Variants in C1orf159 observed in about 807,000 individuals in gnomAD.
The protein encoded by C1orf159 is uncharacterized protein C1orf159.
C1orf159 carries 19 observed loss-of-function variants against 25.6 expected under a neutral mutation model. The ratio of observed to expected loss-of-function variants is 0.74; its 90% confidence interval spans 0.52 to 1.09. The LOEUF (loss-of-function observed/expected upper bound fraction) is 1.09, where lower values mean the gene tolerates loss of function less well. Ranked by LOEUF, C1orf159 falls within the 50% of genes least tolerant of loss-of-function variation. The pLI is 0.00. For missense variants in C1orf159, 274 were observed against 290.6 expected, an observed-to-expected ratio of 0.94 and a Z score of 0.42; for synonymous variants, 139 against 124.7, an observed-to-expected ratio of 1.12 and a Z score of -0.77.
At chr1:1,091,949 C>T (rs901627206) in intron 2 of C1orf159, 42 bp downstream of exon 2, 5 of 455,490 alleles carry the variant, frequency 1.1e-5, no homozygotes, top group African/African-American at 1.0e-4. Context: ...GGCTTGGGGC[C>T]TTTGGAGGCA....
chr1:1,098,798 G>C (rs1646046722), intron 1 of C1orf159, among the ~76,000 whole-genome samples: 1 of 152,188 alleles, frequency 6.6e-6, no homozygotes, highest in African/African-American at 2.4e-5. Flanking sequence ...TTTTAGTATA[G>C]ATGGGGTTTC....
chr1:1,084,831 C>T (rs1314352285), intron 7 of C1orf159, among the ~76,000 whole-genome samples: 1 of 152,172 alleles, frequency 6.6e-6, no homozygotes, highest in East Asian at 1.9e-4. Flanking sequence ...AAGCGTCTCC[C>T]CAGGCTCCAG....
rs113216977 is a variant in C1orf159, at chr1:1,092,230, C to T, written c.-135-127G>A. 7.1e-4 allele frequency: 193 copies of T among 273,708 alleles called. 2 individuals are homozygous for T. The highest frequency in any genetic ancestry group is 4.2e-3 in the African/African-American group (182 of 43,764). 17.0% of individuals were successfully genotyped at this position (273,708 alleles called of 1,614,324 possible). A position where few individuals can be genotyped will look rare whatever the true frequency, so the allele number is the denominator to read the frequency against. On this transcript the variant is annotated intron_variant, in intron 1 of 9. Transcript: ENST00000421241. ...CACACCCTTGCCGGCCCCTGGCTGT[C>T]GAGCAGGGCGTCCTGGAGGGGCTGT...
rs750766070 is a variant in C1orf159, at chr1:1,083,003, G to A, written c.503-16C>T. 2.5e-6 allele frequency: 4 copies of A among 1,574,544 alleles called. No individual in the cohort carries two copies. Among genetic ancestry groups the A allele is most frequent in the Non-Finnish European group, 2.6e-6 (3 of 1,158,440 alleles). ...GGCTTCCGTACTGAAACGGGTCAGA[G>A]ACAGGCGAGGTCAGAGTGGGACCTG... On this transcript the variant is annotated splice_polypyrimidine_tract_variant and intron_variant, in intron 9 of 9. Transcript: ENST00000421241.
chr1:1,097,386 T>G (rs1021231172), intron 1 of C1orf159, among the ~76,000 whole-genome samples: 3 of 152,104 alleles, frequency 2.0e-5, no homozygotes, highest in Non-Finnish European at 4.4e-5. Context: ...ATTACAAGTG[T>G]GAGCCACCGT....
At chr1:1,114,311 C>T (rs1267726233) in intron 1 of C1orf159, among the ~76,000 whole-genome samples, 2 of 152,156 alleles carry the variant, frequency 1.3e-5, no homozygotes, top group Non-Finnish European at 1.5e-5. Context: ...CCTACTGTAA[C>T]GGGCCACAGG....
rs1486859014 is a variant in C1orf159 at position 1,096,357 on chromosome 1, A to AGGGTCTCACTATATTGTCCAGGC, written c.-135-4277_-135-4255dup. Among the ~76,000 whole-genome samples, 309 of 151,828 alleles carry AGGGTCTCACTATATTGTCCAGGC rather than the reference A, an allele frequency of 2.0e-3. 3 individuals are homozygous for AGGGTCTCACTATATTGTCCAGGC. Among genetic ancestry groups the AGGGTCTCACTATATTGTCCAGGC allele is most frequent in the African/African-American group, 7.2e-3 (297 of 41,376 alleles). On this transcript the variant is annotated intron_variant, in intron 1 of 9. Transcript: ENST00000421241. ...TACAGGTATAATTTTTTTTGTACAC[A>AGGGTCTCACTATATTGTCCAGGC]GGGTCTCACTATATTGTCCAGGCTG...
chr1:1,115,848 CG>C (rs1646332556), intron 1 of C1orf159, among the ~76,000 whole-genome samples: 1 of 149,022 alleles, frequency 6.7e-6, no homozygotes, highest in Non-Finnish European at 1.5e-5. Flanking sequence ...CGGCCAGGCT[CG>C]TTGGGAGGCG....
In C1orf159 at chr1:1,082,683, G is replaced by A. The variant is rs138543362; in HGVS notation, c.*210C>T. On this transcript the variant is annotated 3_prime_UTR_variant, in exon 10 of 10. Coordinates refer to ENST00000421241, the MANE Select transcript of C1orf159 (RefSeq NM_017891.5). ...TCTCATGGATGCCTGCTCCTGGTCC[G>A]ATAAACGAGATGGCTGTGGTGGGGA... 2.0e-3 allele frequency: 1,184 copies of A among 585,760 alleles called. 13 individuals are homozygous for A. Among genetic ancestry groups the A allele is most frequent in the African/African-American group, 0.02 (1,066 of 53,328 alleles). The allele number at this position is 585,760 out of a possible 1,614,324, so 36.3% of individuals were successfully genotyped here. A position where few individuals can be genotyped will look rare whatever the true frequency, so the allele number is the denominator to read the frequency against.
In C1orf159 at chr1:1,091,575, G is replaced by A; in HGVS notation, c.-22-10C>T. On this transcript the variant is annotated splice_polypyrimidine_tract_variant and intron_variant, in intron 2 of 9. Transcript: ENST00000421241. ...AGCAGATGCGCAGAGCCTGCCACAG[G>A]GAGGAGCATGCGGAGCCAAAGAGAT... 1 of 1,542,804 alleles carries A rather than the reference G, an allele frequency of 6.5e-7. No individual in the cohort carries two copies. Among genetic ancestry groups the A allele is most frequent in the Non-Finnish European group, 8.8e-7 (1 of 1,142,124 alleles).
At position 1,089,101 on chromosome 1, in the gene C1orf159, T is replaced by C. The variant is rs372601773; in HGVS notation, c.148+1252A>G. On this transcript the variant is annotated intron_variant, in intron 4 of 9. Coordinates refer to ENST00000421241, the MANE Select transcript of C1orf159 (RefSeq NM_017891.5). The surrounding 1 kb of genome is among the most constrained non-coding windows in gnomAD (Gnocchi z 7.5). Reference sequence around the variant, plus strand: ...CCCGCTGCCTCCCCGAGCGGAGACGTGACCTGGCTTGGGGCCGCACGCAGG... The same window carrying C: ...CCCGCTGCCTCCCCGAGCGGAGACGCGACCTGGCTTGGGGCCGCACGCAGG... Among the ~76,000 whole-genome samples the C allele has an allele frequency of 6.6e-6, 1 of 152,186 alleles. No homozygotes were observed. The highest frequency in any genetic ancestry group is 1.5e-5 in the Non-Finnish European group (1 of 68,010).
intron 4 of C1orf159, among the ~76,000 whole-genome samples, chr1:1,088,388 C>T (rs1207407847): frequency 1.5e-5 from 2 of 131,968 alleles, no homozygotes; most frequent in East Asian, 2.3e-4. Flanking sequence ...GGCTGCCTCG[C>T]ACCCCGTGTT....
Position 1,087,296 on chromosome 1 carries a change from G to A in C1orf159, c.245-92C>T. On this transcript the variant is annotated intron_variant, in intron 5 of 9. Transcript: ENST00000421241. The surrounding 1 kb of genome is among the most constrained non-coding windows in gnomAD (Gnocchi z 8.3). Reference sequence around the variant, plus strand: ...TGAAGGGATCTCAGGACGGAAATATGAAAGCGAGGGGCTGAGGGGGCGGAG... The same window carrying A: ...TGAAGGGATCTCAGGACGGAAATATAAAAGCGAGGGGCTGAGGGGGCGGAG... 7.5e-7 allele frequency: 1 copy of A among 1,340,884 alleles called. No homozygotes were observed. The highest frequency in any genetic ancestry group is 1.0e-6 in the Non-Finnish European group (1 of 992,466). 83.1% of individuals were successfully genotyped at this position (1,340,884 alleles called of 1,614,324 possible). A position where few individuals can be genotyped will look rare whatever the true frequency, so the allele number is the denominator to read the frequency against.
chr1:1,082,939 G>A lies in C1orf159; in HGVS notation c.551C>T (p.Thr184Met), dbSNP rs1456443440. ...CTCCCCCGGGAAGGCAGCGGGATCC[G>A]TGGCCCTGTCCAGGGGCCGCTCCCG... ...VRRERPLDRA[T>M]DPAAFPGEAR... The change falls in exon 10 of 10, where the codon ACG becomes ATG. Residue 184 changes from threonine (T) to methionine (M), a missense_variant. Transcript: ENST00000421241. 8 of 1,604,154 alleles carry A rather than the reference G, an allele frequency of 5.0e-6. No homozygotes were observed. Among genetic ancestry groups the A allele is most frequent in the South Asian group, 1.1e-5 (1 of 89,366 alleles).
At chr1:1,090,462 C>T (rs372044064) in intron 3 of C1orf159, 34 bp from the exon 4 acceptor site, 315 of 1,547,780 alleles carry the variant, frequency 2.0e-4, no homozygotes, top group East Asian at 2.4e-4. Flanking sequence ...CTCCAGGACG[C>T]GCCTGCCAGG....
In C1orf159 at chr1:1,108,518, G is replaced by A. The variant is rs372427103; in HGVS notation, c.-136+7542C>T. Among the ~76,000 whole-genome samples the A allele has an allele frequency of 2.3e-4, 25 of 109,174 alleles. No individual in the cohort carries two copies. In the South Asian group the frequency reaches 6.9e-3, roughly 30 times the overall value. 71.6% of individuals were successfully genotyped at this position (109,174 alleles called of 152,430 possible). A position where few individuals can be genotyped will look rare whatever the true frequency, so the allele number is the denominator to read the frequency against. ...ACAGCCACCATGTCTCGGCAGCACC[G>A]TCCACCACAGCCACCATGTCTCGGC... On this transcript the variant is annotated intron_variant, in intron 1 of 9. Transcript: ENST00000421241.
At chr1:1,109,082 C>T (rs1056212418) in intron 1 of C1orf159, among the ~76,000 whole-genome samples, 8 of 151,058 alleles carry the variant, frequency 5.3e-5, no homozygotes, top group Non-Finnish European at 8.8e-5. Context: ...TTCACCACAG[C>T]CACCATGTCT....
Position 1,087,324 on chromosome 1 carries a change from G to T in C1orf159, c.245-120C>A. 8.2e-7 allele frequency: 1 copy of T among 1,215,424 alleles called. No homozygotes were observed. Among genetic ancestry groups the T allele is most frequent in the Non-Finnish European group, 1.1e-6 (1 of 884,764 alleles). 75.3% of individuals were successfully genotyped at this position (1,215,424 alleles called of 1,614,324 possible). On this transcript the variant is annotated intron_variant, in intron 5 of 9. Transcript: ENST00000421241. This position sits in a 1 kb window ranked among gnomAD's most constrained non-coding sequence, Gnocchi z 8.3. The stretch of plus-strand genomic sequence containing the variant: ...AGCGAGGGGCTGAGGGGGCGGAGCA[G>T]CCCTCACCACAGAGCTGTCCCGAAT...
Position 1,089,468 on chromosome 1 carries a change from C to G in C1orf159, c.148+885G>C, listed in dbSNP as rs1287880049. Among the ~76,000 whole-genome samples, 2 of 152,106 alleles carry G rather than the reference C, an allele frequency of 1.3e-5. No homozygotes were observed. Among genetic ancestry groups the G allele is most frequent in the African/African-American group, 4.8e-5 (2 of 41,406 alleles). On this transcript the variant is annotated intron_variant, in intron 4 of 9. Coordinates refer to ENST00000421241, the MANE Select transcript of C1orf159 (RefSeq NM_017891.5). This position sits in a 1 kb window ranked among gnomAD's most constrained non-coding sequence, Gnocchi z 7.5. Reference sequence around the variant, plus strand: ...CTGTTCTCCCTCAGAGCGGTGCCCTCCTCCTCCTACCCTGCGTGTGCCTCA... The same window carrying G: ...CTGTTCTCCCTCAGAGCGGTGCCCTGCTCCTCCTACCCTGCGTGTGCCTCA...
Sources: gnomAD v4.1 joint callset for allele counts (sites outside exome capture counted in the v4.1 genomes callset) on GRCh38, gnomAD v4.1.1 for gene constraint, Gnocchi (gnomAD v3.1) non-coding constraint, MANE v1.5 for transcripts, NCBI Gene and HGNC (gene_info 2026-07-23, HGNC 2026-07-21) for gene names.